The following FLT1 variants were observed in gnomAD, a reference collection of about 807,000 sequenced individuals.
FLT1 encodes the protein vascular endothelial growth factor receptor 1.
A neutral mutation model predicts 156.3 loss-of-function variants in FLT1; 49 were observed. The observed-to-expected ratio is 0.31, with a 90% CI of 0.25 to 0.40. The LOEUF (loss-of-function observed/expected upper bound fraction) is 0.40. Ranked by LOEUF, FLT1 falls within the 10% of genes least tolerant of loss-of-function variation. FLT1 has a pLI of 1.00. For synonymous variants in FLT1, 594 were observed against 583.8 expected (o/e 1.02, Z -0.25); for missense variants, 1,322 against 1,637.2 (o/e 0.81, Z 3.32).
chr13:28,384,462 A>G (rs1279173524), intron 14 of FLT1, among the ~76,000 whole-genome samples: 3 of 151,774 alleles, frequency 2.0e-5, no homozygotes, highest in Admixed American at 1.3e-4. Context: ...AAAAAAAAAA[A>G]AAAAAAGAAA....
At chr13:28,417,316 G>A (rs1049575669) in intron 10 of FLT1, among the ~76,000 whole-genome samples, 4 of 152,152 alleles carry the variant, frequency 2.6e-5, no homozygotes, top group African/African-American at 7.2e-5. Context: ...TTGTATGCCT[G>A]TGTTACTGCA....
Position 28,475,358 on chromosome 13 carries a change from A to G in FLT1, c.65-7741T>C, listed in dbSNP as rs77300859. ...TTGAAATGAAATGCATCTGTCTTTG[A>G]TTTTGCATACTGTGTTTTCAGTAGT... On this transcript the variant is annotated intron_variant, in intron 1 of 29. Transcript: ENST00000282397. Among the ~76,000 whole-genome samples the G allele has an allele frequency of 3.8e-3, 584 of 152,192 alleles. 6 individuals carry two copies. The highest frequency in any genetic ancestry group is 0.013 in the African/African-American group (552 of 41,516).
chr13:28,404,043 C>CA (rs67298705), intron 11 of FLT1, among the ~76,000 whole-genome samples: 57,090 of 139,482 alleles, frequency 0.41, 12,802 homozygotes, highest in Middle Eastern at 0.57. Context: ...CTCTTTGTCT[C>CA]AAAAAAAAAA....
intron 12 of FLT1, among the ~76,000 whole-genome samples, chr13:28,394,593 G>T (rs1566001310): frequency 6.6e-6 from 1 of 152,110 alleles, no homozygotes; most frequent in East Asian, 1.9e-4. Flanking sequence ...GCTTTCATTG[G>T]GAACAGTGAT....
chr13:28,434,922 C>T (rs9513114), intron 4 of FLT1, among the ~76,000 whole-genome samples: 116,156 of 152,188 alleles, frequency 0.76, 44,461 homozygotes, highest in Non-Finnish European at 0.78. Context: ...TTTTTTCTAC[C>T]GGGGCTGCCA....
At chr13:28,456,120 T>C (rs1879249066) in intron 3 of FLT1, among the ~76,000 whole-genome samples, 1 of 152,218 alleles carries the variant, frequency 6.6e-6, no homozygotes, top group African/African-American at 2.4e-5. Flanking sequence ...TGTTCCTTGG[T>C]ATTTGCCCAA....
At chr13:28,324,955 T>C (rs1470579478) in intron 20 of FLT1, among the ~76,000 whole-genome samples, 1 of 152,224 alleles carries the variant, frequency 6.6e-6, no homozygotes, top group Non-Finnish European at 1.5e-5. Flanking sequence ...CAGAATATAG[T>C]GAATTTATTA....
chr13:28,367,717 A>T (rs1195211534), intron 14 of FLT1, among the ~76,000 whole-genome samples: 1 of 152,224 alleles, frequency 6.6e-6, no homozygotes, highest in African/African-American at 2.4e-5. Context: ...CCCCACACAC[A>T]AAAGTGGCTT....
rs183774291 is a variant in FLT1, at chr13:28,300,621, G to A, written c.*2546C>T. The A allele has an allele frequency of 1.0e-4, 24 of 232,538 alleles. No individual in the cohort carries two copies. Among genetic ancestry groups the A allele is most frequent in the African/African-American group, 4.7e-4 (21 of 45,142 alleles). The allele number at this position is 232,538 out of a possible 1,614,324, so 14.4% of individuals were successfully genotyped here. A position where few individuals can be genotyped will look rare whatever the true frequency, so the allele number is the denominator to read the frequency against. On this transcript the variant is annotated 3_prime_UTR_variant, in exon 30 of 30. Transcript: ENST00000282397. The stretch of plus-strand genomic sequence containing the variant: ...TTTAATCAATTTAAATGAGGCTAGC[G>A]AGTATCTGTTTGATGTTTGCATTCT...
chr13:28,386,493 A>T (rs1195665961), intron 13 of FLT1: 1 of 1,048,594 alleles, frequency 9.5e-7, no homozygotes, highest in Non-Finnish European at 1.2e-6. Context: ...AAGTGCTCTG[A>T]TGTACAAAAA....
chr13:28,400,847 T>C (rs1318811432), intron 11 of FLT1, among the ~76,000 whole-genome samples: 1 of 152,210 alleles, frequency 6.6e-6, no homozygotes, highest in Admixed American at 6.5e-5. Context: ...CTTGTATTAG[T>C]GCTATAATTA....
chr13:28,405,715 A>G (rs977154492), intron 11 of FLT1, 65 bp downstream of exon 11: 1 of 933,518 alleles, frequency 1.1e-6, no homozygotes, highest in Admixed American at 1.7e-5. Flanking sequence ...CAATAAACCT[A>G]GAATTGGGAG....
In FLT1 at chr13:28,430,061, C is replaced by G. The variant is rs145266667; in HGVS notation, c.1095G>C (p.Pro365=). The change falls in exon 8 of 30, where the codon CCG becomes CCC. Residue 365 remains proline, a synonymous_variant. Transcript: ENST00000282397. The part of the protein sequence containing the change: ...LSMKVKAFPS[P]EVVWLKDGLP... ...AAGGATGGTCCTACCATACAACTTC[C>G]GGCGAGGGAAATGCCTTCACTTTCA... is the stretch of plus-strand genomic sequence containing the variant. 1 of 1,608,950 alleles carries G rather than the reference C, an allele frequency of 6.2e-7. No individual in the cohort carries two copies. Among genetic ancestry groups the G allele is most frequent in the South Asian group, 1.1e-5 (1 of 90,974 alleles).
At chr13:28,304,948 G>T (rs1446284184) in intron 29 of FLT1, among the ~76,000 whole-genome samples, 1 of 152,126 alleles carries the variant, frequency 6.6e-6, no homozygotes, top group Non-Finnish European at 1.5e-5. Flanking sequence ...GGATATTTAG[G>T]TTGTTTCTAC....
chr13:28,451,240 C>G (rs572461006), intron 3 of FLT1, among the ~76,000 whole-genome samples: 5 of 152,026 alleles, frequency 3.3e-5, no homozygotes, highest in Non-Finnish European at 7.4e-5. Context: ...CTGGACAACA[C>G]GGTGAAACCC....
intron 29 of FLT1, among the ~76,000 whole-genome samples, chr13:28,306,143 C>A (rs1285974172): frequency 6.6e-6 from 1 of 152,152 alleles, no homozygotes; most frequent in African/African-American, 2.4e-5. Flanking sequence ...GTGGTGGCCA[C>A]GGCGTGGAGG....
chr13:28,339,728 G>A (rs545574812), intron 16 of FLT1, among the ~76,000 whole-genome samples: 2 of 152,240 alleles, frequency 1.3e-5, no homozygotes, highest in East Asian at 1.9e-4. Flanking sequence ...ACAGTGGGGC[G>A]CACTGTGGCT....
At chr13:28,432,881 A>T (rs1386586128) in intron 6 of FLT1, among the ~76,000 whole-genome samples, 3 of 152,222 alleles carry the variant, frequency 2.0e-5, no homozygotes, top group African/African-American at 7.2e-5. Context: ...TAGCATTTTT[A>T]TTTAAATGAA....
chr13:28,408,346 G>A (rs1238690074), intron 10 of FLT1, among the ~76,000 whole-genome samples: 1 of 152,136 alleles, frequency 6.6e-6, no homozygotes, highest in Non-Finnish European at 1.5e-5. Flanking sequence ...AAGGGCACAA[G>A]CCCTAGTATG....
Sources: gnomAD v4.1 joint callset for allele counts (sites outside exome capture counted in the v4.1 genomes callset) on GRCh38, gnomAD v4.1.1 for gene constraint, MANE v1.5 for transcripts, NCBI Gene and HGNC (gene_info 2026-07-23, HGNC 2026-07-21) for gene names.